The following BCKDHB variants were observed in gnomAD, a reference collection of about 807,000 sequenced individuals.
The protein encoded by BCKDHB is branched chain keto acid dehydrogenase E1 subunit beta, also known as 2-oxoisovalerate dehydrogenase subunit beta, mitochondrial.
BCKDHB carries 41 observed loss-of-function variants against 48.5 expected under a neutral mutation model. The ratio of observed to expected loss-of-function variants is 0.85; its 90% confidence interval spans 0.66 to 1.10. The LOEUF (loss-of-function observed/expected upper bound fraction) is 1.10, where lower values mean the gene tolerates loss of function less well. Among genes scored for constraint, BCKDHB ranks in the 50% least tolerant of loss-of-function variants. BCKDHB has a pLI of 0.00. For missense variants in BCKDHB, 496 were observed against 494.2 expected, an observed-to-expected ratio of 1.00 and a Z score of -0.03; for synonymous variants, 201 against 174.8, an observed-to-expected ratio of 1.15 and a Z score of -1.18.
intron 3 of BCKDHB, among the ~76,000 whole-genome samples, chr6:80,143,619 G>A (rs938820265): frequency 3.9e-5 from 6 of 152,148 alleles, no homozygotes; most frequent in Non-Finnish European, 4.4e-5. Context: ...GTTGATGAAG[G>A]ATCAGTTAGG....
intron 6 of BCKDHB, among the ~76,000 whole-genome samples, chr6:80,173,011 G>T (rs1459364918): frequency 6.6e-6 from 1 of 152,048 alleles, no homozygotes; most frequent in African/African-American, 2.4e-5. Flanking sequence ...ATATCCTGTG[G>T]CTATTATAGT....
At chr6:80,202,308 T>C (rs1774435088) in intron 7 of BCKDHB, among the ~76,000 whole-genome samples, 1 of 152,182 alleles carries the variant, frequency 6.6e-6, no homozygotes, top group African/African-American at 2.4e-5. Context: ...AGTCCATCTC[T>C]CTCCTGCATC....
the BCKDHB span, among the ~76,000 whole-genome samples, chr6:80,413,298 T>C: frequency 6.6e-6 from 1 of 152,144 alleles, no homozygotes; most frequent in Non-Finnish European, 1.5e-5. Flanking sequence ...ACTCTCAACA[T>C]CTTTTTTTAA....
At chr6:80,199,324 G>C (rs1182179219) in intron 6 of BCKDHB, among the ~76,000 whole-genome samples, 1 of 152,124 alleles carries the variant, frequency 6.6e-6, no homozygotes, top group Non-Finnish European at 1.5e-5. Context: ...GGTGGAGTTG[G>C]AAGGGCTAAC....
intron 1 of BCKDHB, 111 bp from the exon 2 acceptor site, chr6:80,127,436 A>G: frequency 1.1e-6 from 1 of 874,370 alleles, no homozygotes; most frequent in Non-Finnish European, 1.9e-6. Context: ...AATTTGCATA[A>G]TATCTTTCTT....
intron 8 of BCKDHB, among the ~76,000 whole-genome samples, chr6:80,212,280 G>A (rs550122579): frequency 6.6e-6 from 1 of 152,248 alleles, no homozygotes; most frequent in Admixed American, 6.5e-5. Context: ...TATCTCAACT[G>A]CATAAGACAG....
At chr6:80,124,153 C>A (rs549631647) in intron 1 of BCKDHB, among the ~76,000 whole-genome samples, 47 of 152,260 alleles carry the variant, frequency 3.1e-4, no homozygotes, top group African/African-American at 1.1e-3. Context: ...CTTATTTACC[C>A]AGTAGTCATT....
At chr6:80,429,388 A>T in the BCKDHB span, among the ~76,000 whole-genome samples, 1 of 152,146 alleles carries the variant, frequency 6.6e-6, no homozygotes, top group Non-Finnish European at 1.5e-5. Flanking sequence ...AATTTATAAT[A>T]GTTTTTTCCA....
rs141807590 is a variant in BCKDHB, at chr6:80,209,100, TA to T, written c.951+5892del. On this transcript the variant is annotated intron_variant, in intron 8 of 9. Transcript: ENST00000320393. ...TTGGTAGTGCAAGAGAAGTATTTAT[TA>T]AAATTCAATATTTATTCATGATTAA... Among the ~76,000 whole-genome samples the T allele has an allele frequency of 9.3e-3, 1,419 of 152,018 alleles. 30 individuals carry two copies. Among genetic ancestry groups the T allele is most frequent in the African/African-American group, 0.033 (1,350 of 41,510 alleles).
At chr6:80,398,526 G>A in the BCKDHB span, among the ~76,000 whole-genome samples, 2 of 152,060 alleles carry the variant, frequency 1.3e-5, no homozygotes, top group African/African-American at 4.8e-5. Context: ...ATGGAACCAG[G>A]AAGATACTAA....
the BCKDHB span, among the ~76,000 whole-genome samples, chr6:80,400,095 G>T: frequency 6.6e-6 from 1 of 151,870 alleles, no homozygotes; most frequent in East Asian, 1.9e-4. Flanking sequence ...ATAGATTAAA[G>T]ACTTAAAAAT....
chr6:80,219,634 C>G (rs914435014), intron 8 of BCKDHB, among the ~76,000 whole-genome samples: 1 of 152,190 alleles, frequency 6.6e-6, no homozygotes, highest in African/African-American at 2.4e-5. Flanking sequence ...CTGCGATTTG[C>G]TCTTCCATGG....
At chr6:80,208,644 A>G (rs1046272921) in intron 8 of BCKDHB, among the ~76,000 whole-genome samples, 2 of 151,914 alleles carry the variant, frequency 1.3e-5, no homozygotes, top group Admixed American at 6.6e-5. Flanking sequence ...GACAAAGAGG[A>G]TGTTATGAAT....
chr6:80,355,189 C>G, the BCKDHB span, among the ~76,000 whole-genome samples: 1 of 151,842 alleles, frequency 6.6e-6, no homozygotes, highest in Non-Finnish European at 1.5e-5. Context: ...CACCTGAGGT[C>G]GGGAGTTCGA....
At chr6:80,233,498 A>G (rs1477718616) in intron 8 of BCKDHB, among the ~76,000 whole-genome samples, 1 of 152,076 alleles carries the variant, frequency 6.6e-6, no homozygotes, top group African/African-American at 2.4e-5. Context: ...TCTGCCTCTA[A>G]ATTCTTTCTC....
chr6:80,385,420 G>A, the BCKDHB span, among the ~76,000 whole-genome samples: 89 of 152,288 alleles, frequency 5.8e-4, no homozygotes, highest in African/African-American at 2.1e-3. Context: ...CTTGGAATGC[G>A]GATGTGTGGG....
At chr6:80,463,367 T>C in the BCKDHB span, among the ~76,000 whole-genome samples, 16 of 152,188 alleles carry the variant, frequency 1.1e-4, no homozygotes, top group Admixed American at 7.2e-4. Context: ...GGCTACATAT[T>C]TTTCTTTGGC....
chr6:80,437,931 C>T, the BCKDHB span, among the ~76,000 whole-genome samples: 1 of 152,158 alleles, frequency 6.6e-6, no homozygotes, highest in Non-Finnish European at 1.5e-5. Context: ...ATCCCCTTTT[C>T]CTTGCCAGAG....
chr6:80,399,712 C>A, the BCKDHB span, among the ~76,000 whole-genome samples: 4 of 152,026 alleles, frequency 2.6e-5, no homozygotes, highest in African/African-American at 9.7e-5. Flanking sequence ...ATAAAATTAC[C>A]AATGACAGTC....
Sources: allele counts gnomAD v4.1 joint callset (sites outside exome capture counted in the v4.1 genomes callset), GRCh38; gene constraint gnomAD v4.1.1; transcripts MANE v1.5; gene names NCBI Gene and HGNC (gene_info 2026-07-23, HGNC 2026-07-21).